The following PALD1 variants were observed in gnomAD, a reference collection of about 807,000 sequenced individuals.
PALD1 encodes phosphatase domain containing paladin 1.
PALD1 carries 57 observed loss-of-function variants against 96.0 expected under a neutral mutation model. That is an observed-to-expected ratio of 0.59 (90% CI 0.48 to 0.74). The LOEUF (loss-of-function observed/expected upper bound fraction) is 0.74. PALD1 is among the 30% of genes least tolerant of loss of function. PALD1 has a pLI of 0.00. For synonymous variants in PALD1, 464 were observed against 473.6 expected, an observed-to-expected ratio of 0.98 and a Z score of 0.26; for missense variants, 1,063 against 1,143.7, an observed-to-expected ratio of 0.93 and a Z score of 1.02.
chr10:70,558,233 G>A (rs968444737), intron 18 of PALD1, among the ~76,000 whole-genome samples: 1 of 151,960 alleles, frequency 6.6e-6, no homozygotes, highest in African/African-American at 2.4e-5. Context: ...TCAAGCATGT[G>A]GCCTCCTCGG....
intron 17 of PALD1, among the ~76,000 whole-genome samples, chr10:70,546,404 T>C (rs1847363362): frequency 6.6e-6 from 1 of 152,212 alleles, no homozygotes; most frequent in Non-Finnish European, 1.5e-5. Context: ...ATGACTTATA[T>C]TCCCATGGTT....
chr10:70,539,725 G>T lies in PALD1; in HGVS notation c.1871G>T (p.Arg624Leu). 2 of 1,612,482 alleles carry T rather than the reference G, an allele frequency of 1.2e-6. No homozygotes were observed. The highest frequency in any genetic ancestry group is 3.3e-4 in the Middle Eastern group (2 of 6,052). ...GCCTGTCCTGGCCTCACCTACCACCGCATCCCCATGCCGGACTTCTGTGCC... is the reference window on the plus strand; with the variant it reads ...GCCTGTCCTGGCCTCACCTACCACCTCATCCCCATGCCGGACTTCTGTGCC... ...RRACPGLTYHRIPMPDFCAPR... is the reference protein window; with the variant it reads ...RRACPGLTYHLIPMPDFCAPR... Residue 624 changes from arginine to leucine, a missense_variant, in exon 15 of 20, where the codon CGC becomes CTC. Coordinates refer to ENST00000263563, the MANE Select transcript of PALD1 (RefSeq NM_014431.3). The surrounding 1 kb of genome is among the most constrained non-coding windows in gnomAD (Gnocchi z 4.5).
chr10:70,505,347 G>C (rs1846363434), intron 1 of PALD1, among the ~76,000 whole-genome samples: 1 of 152,158 alleles, frequency 6.6e-6, no homozygotes, highest in African/African-American at 2.4e-5. Flanking sequence ...TATAATCCCA[G>C]CACTTTGGGA....
chr10:70,538,376 G>A lies in PALD1; in HGVS notation c.1420G>A (p.Ala474Thr). 1 of 1,611,542 alleles carries A rather than the reference G, an allele frequency of 6.2e-7. No homozygotes were observed. The change falls in exon 12 of 20, where the codon GCT (alanine) becomes ACT (threonine). Residue 474 changes from alanine (A) to threonine (T), a missense_variant. Coordinates refer to ENST00000263563, the MANE Select transcript of PALD1 (RefSeq NM_014431.3). ...PVTLSSAGPV[A>T]PRDLIARGSL... ...GACGCTGAGCTCAGCAGGCCCTGTG[G>A]CTCCGAGGGACCTCATCGCCAGGGG...
intron 10 of PALD1, among the ~76,000 whole-genome samples, chr10:70,535,616 T>C (rs1847098489): frequency 1.4e-5 from 2 of 140,564 alleles, no homozygotes. Flanking sequence ...TCTTCCTCCT[T>C]CTCCTCCTTC....
rs753977004 is a variant in PALD1 at position 70,534,755 on chromosome 10, C to A, written c.1139C>A (p.Thr380Asn). The A allele has an allele frequency of 6.0e-5, 96 of 1,609,830 alleles. No individual in the cohort carries two copies. Among genetic ancestry groups the A allele is most frequent in the Non-Finnish European group, 7.9e-5 (93 of 1,177,778 alleles). ...TGGCACCAGGTGGACAGAGCCATCA[C>A]TGCCTGTGCCGAGTTGCATGACCTG... Reference protein sequence around the residue: ...RMVEEVDRAITACAELHDLKE... With the variant: ...RMVEEVDRAINACAELHDLKE... Residue 380 changes from threonine to asparagine, a missense_variant, in exon 10 of 20, where the codon ACT becomes AAT. Transcript: ENST00000263563.
intron 1 of PALD1, among the ~76,000 whole-genome samples, chr10:70,487,783 A>C (rs1204664617): frequency 6.6e-6 from 1 of 152,176 alleles, no homozygotes; most frequent in Non-Finnish European, 1.5e-5. Flanking sequence ...ACTTTGGTGA[A>C]TGTCGGTAAA....
chr10:70,508,379 G>A (rs1846436716), intron 1 of PALD1, among the ~76,000 whole-genome samples: 1 of 152,214 alleles, frequency 6.6e-6, no homozygotes, highest in South Asian at 2.1e-4. Flanking sequence ...GGACTGTGAG[G>A]AGGTGCACTG....
chr10:70,466,668 A>G, the PALD1 span, among the ~76,000 whole-genome samples: 45 of 152,356 alleles, frequency 3.0e-4, no homozygotes, highest in Non-Finnish European at 5.7e-4. Context: ...TACCCATTAA[A>G]CAATCACCGA....
chr10:70,464,976 T>C, the PALD1 span, among the ~76,000 whole-genome samples: 1 of 146,716 alleles, frequency 6.8e-6, no homozygotes, highest in East Asian at 2.0e-4. Context: ...TATGTATGTA[T>C]GTATGTATGT....
At chr10:70,515,753 A>G (rs759426809) in intron 1 of PALD1, among the ~76,000 whole-genome samples, 7 of 152,056 alleles carry the variant, frequency 4.6e-5, no homozygotes, top group Admixed American at 2.0e-4. Context: ...CAGTTGGGGA[A>G]ACAGTTTGGG....
chr10:70,512,698 G>A (rs993231309), intron 1 of PALD1, among the ~76,000 whole-genome samples: 4 of 152,216 alleles, frequency 2.6e-5, no homozygotes, highest in African/African-American at 4.8e-5. Context: ...AAGTGAACAC[G>A]GTAAGCAGTG....
At chr10:70,473,735 TC>T in the PALD1 span, among the ~76,000 whole-genome samples, 1 of 152,154 alleles carries the variant, frequency 6.6e-6, no homozygotes, top group Admixed American at 6.5e-5. Flanking sequence ...AACCTCTGCC[TC>T]CCAGTTTCAA....
intron 1 of PALD1, among the ~76,000 whole-genome samples, chr10:70,523,571 G>A (rs1846785922): frequency 6.6e-6 from 1 of 152,134 alleles, no homozygotes; most frequent in African/African-American, 2.4e-5. Flanking sequence ...CCCTCTTTGA[G>A]CTGCCTATTT....
At chr10:70,550,649 T>C (rs966282480) in intron 18 of PALD1, among the ~76,000 whole-genome samples, 1 of 152,112 alleles carries the variant, frequency 6.6e-6, no homozygotes, top group African/African-American at 2.4e-5. Context: ...TCCCCCACCA[T>C]CTGGCAGCCA....
intron 18 of PALD1, among the ~76,000 whole-genome samples, chr10:70,562,312 G>T (rs901954455): frequency 1.3e-5 from 2 of 152,220 alleles, no homozygotes; most frequent in Non-Finnish European, 2.9e-5. Flanking sequence ...TGGGTGGGCA[G>T]GCTTTGCAAG....
At chr10:70,502,679 T>A (rs1465239405) in intron 1 of PALD1, among the ~76,000 whole-genome samples, 2 of 152,188 alleles carry the variant, frequency 1.3e-5, no homozygotes, top group East Asian at 3.9e-4. Flanking sequence ...AAGCAAATAC[T>A]ACATGGTTCC....
rs1845971072 is a variant in PALD1 at position 70,483,682 on chromosome 10, A to G, written c.-30+4623A>G. 5.3e-5 allele frequency among the ~76,000 whole-genome samples: 8 copies of G among 152,266 alleles called. No homozygotes were observed. The South Asian group carries it at 1.7e-3, about 32-fold the overall frequency. On this transcript the variant is annotated intron_variant, in intron 1 of 19. Coordinates refer to ENST00000263563, the MANE Select transcript of PALD1 (RefSeq NM_014431.3). ...GTGCCGGCCTCTGTCTGGCCTTCCC[A>G]GAATGGAGGCCTGGGACGCTGGGAC...
rs1306363695 is a variant in PALD1, at chr10:70,539,974, GGTATATGTGT to G, written c.1908+215_1908+224del. 6.6e-6 allele frequency among the ~76,000 whole-genome samples: 1 copy of G among 152,058 alleles called. No homozygotes were observed. Among genetic ancestry groups the G allele is most frequent in the Non-Finnish European group, 1.5e-5 (1 of 67,994 alleles). On this transcript the variant is annotated intron_variant, in intron 15 of 19. Transcript: ENST00000263563. The surrounding 1 kb of genome is among the most constrained non-coding windows in gnomAD (Gnocchi z 4.5). ...TACGTGTGTTTATTATGTGTTATAGGGTATATGTGTGTGTATTGTTATAGGTGTGTGTGTA... is the reference window on the plus strand; with the variant it reads ...TACGTGTGTTTATTATGTGTTATAGGGTGTATTGTTATAGGTGTGTGTGTA...
Sources: gnomAD v4.1 joint callset for allele counts (sites outside exome capture counted in the v4.1 genomes callset) on GRCh38, gnomAD v4.1.1 for gene constraint, Gnocchi (gnomAD v3.1) non-coding constraint, MANE v1.5 for transcripts, NCBI Gene and HGNC (gene_info 2026-07-23, HGNC 2026-07-21) for gene names.